The following ANKRD26 variants were observed in gnomAD, a reference collection of about 807,000 sequenced individuals.
ANKRD26 encodes ankyrin repeat domain-containing protein 26.
Under a neutral mutation model 208.7 loss-of-function variants are expected in ANKRD26, and 141 were observed. The observed-to-expected ratio is 0.68, with a 90% CI of 0.59 to 0.78. The LOEUF is 0.78. Among genes scored for constraint, ANKRD26 ranks in the 30% least tolerant of loss-of-function variants. ANKRD26 has a pLI of 0.00. For missense variants in ANKRD26, 1,889 were observed against 1,938.7 expected (o/e 0.97, Z 0.48); for synonymous variants, 636 against 660.4 (o/e 0.96, Z 0.57).
chr10:26,967,017 G>A, the ANKRD26 span, among the ~76,000 whole-genome samples: 6 of 151,978 alleles, frequency 3.9e-5, no homozygotes, highest in East Asian at 5.8e-4. Flanking sequence ...CATTGGCCAC[G>A]ACCACTAATC....
Position 27,008,247 on chromosome 10 carries a change from G to A in ANKRD26, c.4954-1285C>T, listed in dbSNP as rs867394993. Among the ~76,000 whole-genome samples the A allele has an allele frequency of 2.0e-5, 3 of 151,834 alleles. No individual in the cohort carries two copies. The South Asian group carries it at 6.2e-4, about 32-fold the overall frequency. The stretch of plus-strand genomic sequence containing the variant: ...TATCCAATGCCTTTAAAAATGTTAG[G>A]TATGAAGATTAAATTTTTTGACTAA... On this transcript the variant is annotated intron_variant, in intron 32 of 33. Coordinates refer to ENST00000376087, the MANE Select transcript of ANKRD26 (RefSeq NM_014915.3).
intron 29 of ANKRD26, among the ~76,000 whole-genome samples, chr10:27,019,151 G>A (rs960580390): frequency 7.2e-5 from 11 of 151,996 alleles, no homozygotes; most frequent in African/African-American, 2.7e-4. Context: ...ATGGTGGTGG[G>A]CACCTGTAGT....
intron 33 of ANKRD26, 70 bp from the exon 34 acceptor site, chr10:27,005,793 A>C (rs1280427173): frequency 5.9e-6 from 9 of 1,537,080 alleles, no homozygotes; most frequent in African/African-American, 4.2e-5. Context: ...GGAAGTCAGT[A>C]AAAGAGTTGA....
intron 16 of ANKRD26, chr10:27,051,945 C>A: frequency 1.0e-6 from 1 of 985,298 alleles, no homozygotes; most frequent in Non-Finnish European, 1.2e-6. Flanking sequence ...CTCTAATTTG[C>A]CTTGTTTGGT....
intron 5 of ANKRD26, among the ~76,000 whole-genome samples, chr10:26,992,704 A>G (rs2052512570): frequency 6.6e-6 from 1 of 152,176 alleles, no homozygotes; most frequent in Non-Finnish European, 1.5e-5. Flanking sequence ...ATGGCAGAAC[A>G]CTAATTATTA....
At chr10:26,985,506 ATGTTTTTAAG>A (rs2052372378) in intron 3 of ANKRD26, among the ~76,000 whole-genome samples, 1 of 152,122 alleles carries the variant, frequency 6.6e-6, no homozygotes, top group Admixed American at 6.6e-5. Flanking sequence ...TTTCTTCAAC[ATGTTTTTAAG>A]TGTTTCAGGT....
intron 30 of ANKRD26, among the ~76,000 whole-genome samples, chr10:27,015,099 G>T (rs749044394): frequency 6.6e-6 from 1 of 152,100 alleles, no homozygotes; most frequent in Non-Finnish European, 1.5e-5. Context: ...AGATATTTTC[G>T]AATGAAAAAT....
intron 13 of ANKRD26, 71 bp downstream of exon 13, chr10:27,061,073 T>G (rs2055036167): frequency 8.8e-7 from 1 of 1,137,392 alleles, no homozygotes; most frequent in Non-Finnish European, 1.3e-6. Flanking sequence ...GAGAAAGTGT[T>G]CTGAATTGAT....
chr10:26,987,936 G>C (rs745887444), downstream of ANKRD26, among the ~76,000 whole-genome samples: 11 of 152,156 alleles, frequency 7.2e-5, no homozygotes, highest in Non-Finnish European at 1.5e-4. Context: ...ATACCCTATA[G>C]TTATCTGGTG....
chr10:27,075,915 G>A (rs563087411), intron 9 of ANKRD26, among the ~76,000 whole-genome samples: 2 of 152,240 alleles, frequency 1.3e-5, no homozygotes, highest in African/African-American at 2.4e-5. Context: ...TCAGACCACA[G>A]CAGAATACAT....
the ANKRD26 span, among the ~76,000 whole-genome samples, chr10:26,947,669 G>C: frequency 6.6e-6 from 1 of 152,214 alleles, no homozygotes; most frequent in Admixed American, 6.5e-5. Flanking sequence ...CAGTGAGGAA[G>C]CGGCATGAGC....
chr10:27,059,792 G>A (rs1021685754), intron 15 of ANKRD26, among the ~76,000 whole-genome samples: 7 of 151,588 alleles, frequency 4.6e-5, no homozygotes, highest in African/African-American at 1.7e-4. Context: ...TGCCCGGGGA[G>A]CTTGAGGCAG....
chr10:27,012,803 CG>C, intron 32 of ANKRD26, 78 bp downstream of exon 32: 2 of 1,402,886 alleles, frequency 1.4e-6, no homozygotes, highest in Non-Finnish European at 2.0e-6. Context: ...CAGAGTAAAA[CG>C]CTGTCTCAAA....
At chr10:26,972,542 A>T (rs188567077), downstream of ANKRD26, among the ~76,000 whole-genome samples, 18 of 151,962 alleles carry the variant, frequency 1.2e-4, no homozygotes, top group Admixed American at 6.6e-5. Context: ...TTAGTAAAAC[A>T]ACTATAACCA....
intron 3 of ANKRD26, among the ~76,000 whole-genome samples, chr10:26,984,160 G>C (rs1564331496): frequency 6.6e-6 from 1 of 152,182 alleles, no homozygotes; most frequent in East Asian, 1.9e-4. Context: ...AGATAAACCA[G>C]GTGCTGGGTT....
At chr10:27,050,860 G>A (rs1449183769) in intron 16 of ANKRD26, among the ~76,000 whole-genome samples, 1 of 152,118 alleles carries the variant, frequency 6.6e-6, no homozygotes, top group Non-Finnish European at 1.5e-5. Context: ...GACTTCTTAG[G>A]TTGATTAAGG....
At chr10:26,954,161 T>C in the ANKRD26 span, among the ~76,000 whole-genome samples, 1 of 152,212 alleles carries the variant, frequency 6.6e-6, no homozygotes, top group Admixed American at 6.5e-5. Flanking sequence ...AGTGGACATA[T>C]AAAGGGTGAA....
chr10:26,979,243 A>C (rs2052272960), intron 5 of ANKRD26, among the ~76,000 whole-genome samples: 2 of 152,066 alleles, frequency 1.3e-5, no homozygotes, highest in African/African-American at 4.8e-5. Context: ...AAGAAATAAA[A>C]CCAAAAGGTC....
chr10:27,099,569 G>C (rs1348201456), intron 1 of ANKRD26, among the ~76,000 whole-genome samples: 2 of 140,010 alleles, frequency 1.4e-5, no homozygotes, highest in Non-Finnish European at 3.1e-5. Context: ...AGTTGGGGGG[G>C]GGGGTCTCGC....
Sources: gnomAD v4.1 joint callset for allele counts (sites outside exome capture counted in the v4.1 genomes callset) on GRCh38, gnomAD v4.1.1 for gene constraint, MANE v1.5 for transcripts, NCBI Gene and HGNC (gene_info 2026-07-23, HGNC 2026-07-21) for gene names.